GALK2: variants seen among roughly 807,000 people sequenced by gnomAD.
The protein encoded by GALK2 is N-acetylgalactosamine kinase.
Under a neutral mutation model 52.4 loss-of-function variants are expected in GALK2, and 36 were observed. The ratio of observed to expected loss-of-function variants is 0.69; its 90% CI spans 0.53 to 0.91. The LOEUF is 0.91. GALK2 is among the 40% of genes least tolerant of loss of function. The probability of loss-of-function intolerance (pLI) is 0.00; values close to 1 mark genes in which losing one functional copy is unlikely to be tolerated. For missense variants in GALK2, 579 were observed against 559.1 expected, an observed-to-expected ratio of 1.04 and a Z score of -0.36; for synonymous variants, 176 against 199.1, an observed-to-expected ratio of 0.88 and a Z score of 0.98.
intron 1 of GALK2, among the ~76,000 whole-genome samples, chr15:49,172,810 A>G (rs1475114729): frequency 2.0e-5 from 3 of 152,142 alleles, no homozygotes; most frequent in East Asian, 1.9e-4. Flanking sequence ...CTTTCTTTGC[A>G]TTCTTAGCAG....
chr15:49,326,595 C>T lies in GALK2; in HGVS notation c.1170-1357C>T, dbSNP rs532801491. Among the ~76,000 whole-genome samples, 133 of 152,168 alleles carry T rather than the reference C, an allele frequency of 8.7e-4. 1 individual carries two copies. The highest frequency in any genetic ancestry group is 3.0e-3 in the African/African-American group (124 of 41,506). ...CAACAAACTGCAAACAGGCCCTTTGCCAACCTAGAAATTTAGAATAATCCA... is the reference window on the plus strand; with the variant it reads ...CAACAAACTGCAAACAGGCCCTTTGTCAACCTAGAAATTTAGAATAATCCA... On this transcript the variant is annotated intron_variant, in intron 9 of 9. Transcript: ENST00000560031.
At chr15:49,225,167 T>C (rs1047738437) in intron 3 of GALK2, 33 of 455,282 alleles carry the variant, frequency 7.2e-5, no homozygotes, top group Middle Eastern at 3.4e-4. Flanking sequence ...AAGCCGCCTC[T>C]GATCACTGGC....
rs562222786 is a variant in GALK2, at chr15:49,291,676, C to G, written c.757-651C>G. On this transcript the variant is annotated intron_variant, in intron 7 of 9. Coordinates refer to ENST00000560031, the MANE Select transcript of GALK2 (RefSeq NM_002044.4). ...ACAGATTTGGTTTGTACTTAACCCG[C>G]ACTGTCAGATTGAGGAGGTACCTCA... 7.0e-3 allele frequency among the ~76,000 whole-genome samples: 1,071 copies of G among 152,258 alleles called. 11 individuals carry two copies. Among genetic ancestry groups the G allele is most frequent in the Middle Eastern group, 0.024 (7 of 294 alleles).
chr15:49,171,756 G>T (rs2085111343), intron 1 of GALK2, among the ~76,000 whole-genome samples: 1 of 149,666 alleles, frequency 6.7e-6, no homozygotes, highest in Non-Finnish European at 1.5e-5. Flanking sequence ...AAAATAACTT[G>T]ATCTCTTGTA....
chr15:49,228,459 C>G (rs1010786121), intron 3 of GALK2, among the ~76,000 whole-genome samples: 2 of 150,546 alleles, frequency 1.3e-5, no homozygotes, highest in African/African-American at 4.9e-5. Flanking sequence ...TTCAAAAGAG[C>G]TATCTTTAGG....
intron 8 of GALK2, among the ~76,000 whole-genome samples, chr15:49,301,725 T>G (rs887441021): frequency 2.6e-5 from 4 of 152,170 alleles, no homozygotes; most frequent in African/African-American, 9.7e-5. Flanking sequence ...AGCCACACTG[T>G]GCTGGGGTAG....
Position 49,190,055 on chromosome 15 carries a change from A to G in GALK2, c.54-11107A>G, listed in dbSNP as rs572559851. ...CTTCCTCAGCCTTTCTATGTGTTTT[A>G]TGAGCAGCTATTTTATAGAATATTC... On this transcript the variant is annotated intron_variant, in intron 1 of 9. Transcript: ENST00000560031. Among the ~76,000 whole-genome samples, 13 of 152,256 alleles carry G rather than the reference A, an allele frequency of 8.5e-5. No homozygotes were observed. The East Asian group carries it at 2.5e-3, about 29-fold the overall frequency.
chr15:49,174,364 A>C (rs2085301926), intron 1 of GALK2, among the ~76,000 whole-genome samples: 1 of 151,884 alleles, frequency 6.6e-6, no homozygotes, highest in African/African-American at 2.4e-5. Flanking sequence ...TTTTGTTTTT[A>C]AGAGACAGTC....
At chr15:49,166,811 T>A (rs1478622672), upstream of GALK2, among the ~76,000 whole-genome samples, 1 of 152,192 alleles carries the variant, frequency 6.6e-6, no homozygotes, top group East Asian at 1.9e-4. Flanking sequence ...CCAAAATAGG[T>A]CACTGAAGTA....
upstream of GALK2, chr15:49,169,935 G>T (rs1263424354): frequency 5.4e-6 from 1 of 186,398 alleles, no homozygotes; most frequent in Non-Finnish European, 1.1e-5. Flanking sequence ...GCCCGAGACA[G>T]ATCAGAAACT....
chr15:49,316,139 C>T (rs952875896), intron 8 of GALK2, among the ~76,000 whole-genome samples: 1 of 152,044 alleles, frequency 6.6e-6, no homozygotes, highest in African/African-American at 2.4e-5. Flanking sequence ...GACATAACAA[C>T]TGAATATAAT....
chr15:49,280,471 A>G (rs1287532199), intron 5 of GALK2, among the ~76,000 whole-genome samples: 1 of 152,184 alleles, frequency 6.6e-6, no homozygotes, highest in African/African-American at 2.4e-5. Context: ...AGTATCCCTC[A>G]TGGCTGGAGC....
At chr15:49,185,175 T>G (rs1041382575) in intron 1 of GALK2, among the ~76,000 whole-genome samples, 1 of 152,156 alleles carries the variant, frequency 6.6e-6, no homozygotes. Flanking sequence ...TTTCCATGTT[T>G]ATGTTCATGT....
intron 1 of GALK2, among the ~76,000 whole-genome samples, chr15:49,193,628 T>C (rs965361200): frequency 5.9e-5 from 9 of 152,048 alleles, no homozygotes; most frequent in African/African-American, 2.2e-4. Context: ...CCTGATCCAT[T>C]TGGAGATTAT....
chr15:49,352,729 C>T (rs915730625), intron 3 of GALK2, among the ~76,000 whole-genome samples: 2 of 152,116 alleles, frequency 1.3e-5, no homozygotes, highest in African/African-American at 4.8e-5. Flanking sequence ...CATCACAGCG[C>T]ACTTCAAGAC....
intron 8 of GALK2, among the ~76,000 whole-genome samples, chr15:49,305,707 G>A (rs1341594167): frequency 1.3e-5 from 2 of 152,146 alleles, no homozygotes; most frequent in African/African-American, 2.4e-5. Context: ...AGGGAAGGGG[G>A]ACAGAGAGGA....
chr15:49,175,115 G>A (rs533855068), intron 1 of GALK2, among the ~76,000 whole-genome samples: 1 of 152,306 alleles, frequency 6.6e-6, no homozygotes, highest in East Asian at 1.9e-4. Context: ...AAACATATAT[G>A]TAACATACAT....
chr15:49,219,508 C>G (rs1415961430), intron 3 of GALK2, among the ~76,000 whole-genome samples: 5 of 152,088 alleles, frequency 3.3e-5, no homozygotes, highest in Non-Finnish European at 2.9e-5. Context: ...ACTAATATAG[C>G]CTTTTAAAGA....
At chr15:49,326,246 A>G (rs1052766251) in intron 9 of GALK2, among the ~76,000 whole-genome samples, 6 of 146,350 alleles carry the variant, frequency 4.1e-5, no homozygotes, top group Admixed American at 2.7e-4. Flanking sequence ...ACGACTGCAT[A>G]TGACAACCAT....
Sources: allele counts gnomAD v4.1 joint callset (sites outside exome capture counted in the v4.1 genomes callset), GRCh38; gene constraint gnomAD v4.1.1; transcripts MANE v1.5; gene names NCBI Gene and HGNC (gene_info 2026-07-23, HGNC 2026-07-21).